Variants in CSMD1 observed in about 807,000 individuals in gnomAD.
CSMD1 encodes CUB and sushi domain-containing protein 1.
CSMD1 carries 213 observed loss-of-function variants against 417.5 expected under a neutral mutation model. The ratio of observed to expected loss-of-function variants is 0.51; its 90% CI spans 0.46 to 0.57. The LOEUF (loss-of-function observed/expected upper bound fraction) is 0.57, where lower values mean the gene tolerates loss of function less well. CSMD1 is among the 20% of genes least tolerant of loss of function. CSMD1 has a pLI of 0.00. For missense variants in CSMD1, 6,923 were observed against 4,529.7 expected, an observed-to-expected ratio of 1.53 and a Z score of -15.17; for synonymous variants, 2,862 against 1,736.8, an observed-to-expected ratio of 1.65 and a Z score of -16.11.
chr8:3,888,614 T>C (rs1212622974), intron 5 of CSMD1, among the ~76,000 whole-genome samples: 1 of 152,088 alleles, frequency 6.6e-6, no homozygotes, highest in Non-Finnish European at 1.5e-5. Flanking sequence ...AACAAGATCT[T>C]TGTCATACAA....
At chr8:3,364,035 A>C (rs1224761247) in intron 20 of CSMD1, among the ~76,000 whole-genome samples, 1 of 152,282 alleles carries the variant, frequency 6.6e-6, no homozygotes, top group South Asian at 2.1e-4. Flanking sequence ...GCAGAAATAA[A>C]CTCGATTAAC....
chr8:4,418,793 T>G (rs1272826841), intron 3 of CSMD1, among the ~76,000 whole-genome samples: 1 of 150,952 alleles, frequency 6.6e-6, no homozygotes, highest in Admixed American at 6.6e-5. Context: ...AACTTATTCC[T>G]TGATAGTAAC....
chr8:4,044,869 G>C (rs58987751), intron 3 of CSMD1, among the ~76,000 whole-genome samples: 22,889 of 152,226 alleles, frequency 0.15, 2,081 homozygotes, highest in East Asian at 0.38. Flanking sequence ...GCACCATCCT[G>C]AACTTTGCAG....
At chr8:4,159,642 A>T (rs1647289) in intron 3 of CSMD1, among the ~76,000 whole-genome samples, 2 of 152,152 alleles carry the variant, frequency 1.3e-5, no homozygotes, top group Admixed American at 1.3e-4. Flanking sequence ...AGGCTGGAGC[A>T]CAGTGGCGCG....
At chr8:3,321,607 C>T (rs1584996357) in intron 23 of CSMD1, among the ~76,000 whole-genome samples, 1 of 152,168 alleles carries the variant, frequency 6.6e-6, no homozygotes, top group Non-Finnish European at 1.5e-5. Flanking sequence ...TTACTGTATC[C>T]TCTGAGTCTG....
At position 3,121,401 on chromosome 8, in the gene CSMD1, C is replaced by T. The variant is rs1308856295; in HGVS notation, c.6242-2814G>A. Among the ~76,000 whole-genome samples the T allele has an allele frequency of 5.3e-5, 8 of 152,266 alleles. No individual in the cohort carries two copies. In the South Asian group the frequency reaches 8.3e-4, roughly 16 times the overall value. On this transcript the variant is annotated intron_variant, in intron 41 of 69. Transcript: ENST00000635120. ...CAAGAAAAATCGAGATCAGAGGACACATAGTGGCAAAAGCATCTTGAGATA... is the reference window on the plus strand; with the variant it reads ...CAAGAAAAATCGAGATCAGAGGACATATAGTGGCAAAAGCATCTTGAGATA...
chr8:4,480,411 C>T (rs1281258394), intron 2 of CSMD1, among the ~76,000 whole-genome samples: 1 of 152,122 alleles, frequency 6.6e-6, no homozygotes, highest in Non-Finnish European at 1.5e-5. Context: ...TTGTAAAGCG[C>T]GTTAACATCC....
Position 4,487,949 on chromosome 8 carries a change from T to A in CSMD1, c.303-67884A>T, listed in dbSNP as rs553005755. The stretch of plus-strand genomic sequence containing the variant: ...AAACCCTGTGTCGTAGACTGAATGT[T>A]TGCGTCCCTCCGAAATGTATATGTG... On this transcript the variant is annotated intron_variant, in intron 2 of 69. Transcript: ENST00000635120. 7.9e-5 allele frequency among the ~76,000 whole-genome samples: 12 copies of A among 152,324 alleles called. No homozygotes were observed. The South Asian group carries it at 2.5e-3, about 32-fold the overall frequency.
intron 10 of CSMD1, among the ~76,000 whole-genome samples, chr8:3,558,160 C>A (rs1233600194): frequency 1.3e-5 from 2 of 150,196 alleles, no homozygotes; most frequent in South Asian, 2.1e-4. Context: ...AATGGTGCCT[C>A]AATAGCACCC....
At chr8:3,844,136 A>G (rs2129095935) in intron 5 of CSMD1, among the ~76,000 whole-genome samples, 1 of 152,312 alleles carries the variant, frequency 6.6e-6, no homozygotes, top group Non-Finnish European at 1.5e-5. Flanking sequence ...TAGTACTTTA[A>G]AAATTTTAAA....
intron 38 of CSMD1, 74 bp downstream of exon 38, chr8:3,162,085 G>A (rs755435574): frequency 1.1e-6 from 1 of 917,672 alleles, no homozygotes; most frequent in African/African-American, 1.6e-5. Flanking sequence ...TACAAAGTGA[G>A]GGCTTTGGCT....
chr8:4,964,778 A>T (rs549066814), intron 1 of CSMD1, among the ~76,000 whole-genome samples: 1 of 152,264 alleles, frequency 6.6e-6, no homozygotes, highest in African/African-American at 2.4e-5. Flanking sequence ...TCATTTTGTG[A>T]ATGAAATTGT....
chr8:3,909,937 G>GA (rs1275960321), intron 5 of CSMD1, among the ~76,000 whole-genome samples: 3 of 152,020 alleles, frequency 2.0e-5, no homozygotes, highest in African/African-American at 4.8e-5. Flanking sequence ...AGACAAGGAA[G>GA]AAAAAATGGC....
chr8:4,430,062 A>G (rs1239413507), intron 2 of CSMD1, among the ~76,000 whole-genome samples: 2 of 152,232 alleles, frequency 1.3e-5, no homozygotes, highest in African/African-American at 4.8e-5. Flanking sequence ...ACCAGGAAGT[A>G]TAAAAGCAGA....
intron 2 of CSMD1, among the ~76,000 whole-genome samples, chr8:4,618,923 A>G (rs115163886): frequency 0.01 from 1,575 of 152,308 alleles, 32 homozygotes; most frequent in African/African-American, 0.036. Flanking sequence ...TCTTCACAAA[A>G]GAAACCACAA....
At chr8:4,203,017 A>G (rs758094695) in intron 3 of CSMD1, among the ~76,000 whole-genome samples, 1 of 152,146 alleles carries the variant, frequency 6.6e-6, no homozygotes, top group Non-Finnish European at 1.5e-5. Context: ...ACCTGTGACT[A>G]TGTTTCCTTA....
chr8:3,077,811 GACCATA>G (rs749509046), intron 49 of CSMD1, among the ~76,000 whole-genome samples: 17 of 152,212 alleles, frequency 1.1e-4, no homozygotes, highest in Non-Finnish European at 2.1e-4. Context: ...TTCAATGAAA[GACCATA>G]ACCTATCCTT....
chr8:3,152,176 G>A (rs913574746), intron 39 of CSMD1, among the ~76,000 whole-genome samples: 1 of 152,200 alleles, frequency 6.6e-6, no homozygotes, highest in Non-Finnish European at 1.5e-5. Flanking sequence ...CTGTGAGAGA[G>A]GGTGAAATAA....
intron 1 of CSMD1, among the ~76,000 whole-genome samples, chr8:4,730,087 C>A (rs574377791): frequency 1.1e-3 from 160 of 152,238 alleles, no homozygotes; most frequent in African/African-American, 3.8e-3. Context: ...TGTATGACAT[C>A]TTTATTACCC....
Sources: allele counts gnomAD v4.1 joint callset (sites outside exome capture counted in the v4.1 genomes callset), GRCh38; gene constraint gnomAD v4.1.1; transcripts MANE v1.5; gene names NCBI Gene and HGNC (gene_info 2026-07-23, HGNC 2026-07-21).